ANK2: variants seen among roughly 807,000 people sequenced by gnomAD.
ANK2 encodes ankyrin 2, also known as ankyrin-2.
In ANK2, 83 loss-of-function variants were observed where a neutral mutation model predicts 360.5. That is an observed-to-expected ratio of 0.23 (90% CI 0.19 to 0.28). The LOEUF is 0.28. Ranked by LOEUF, ANK2 falls within the 10% of genes least tolerant of loss-of-function variation. The pLI, the probability that ANK2 is intolerant of heterozygous loss-of-function variation, is 1.00. For synonymous variants in ANK2, 1,740 were observed against 1,759.5 expected (o/e 0.99, Z 0.28); for missense variants, 4,201 against 4,795.7 (o/e 0.88, Z 3.66).
chr4:112,899,285 G>A (rs1373388325), intron 1 of ANK2, among the ~76,000 whole-genome samples: 1 of 152,100 alleles, frequency 6.6e-6, no homozygotes, highest in African/African-American at 2.4e-5. Context: ...AAGAAAAAAG[G>A]AGTTCCCTTT....
At chr4:113,323,799 A>T in intron 26 of ANK2, 1 of 1,610,998 alleles carries the variant, frequency 6.2e-7, no homozygotes, top group African/African-American at 1.3e-5. Flanking sequence ...CAGCAGGTGA[A>T]CTACTGCATA....
intron 2 of ANK2, among the ~76,000 whole-genome samples, chr4:112,981,481 G>A (rs1462906469): frequency 1.3e-5 from 2 of 152,210 alleles, no homozygotes; most frequent in Non-Finnish European, 2.9e-5. Context: ...GAATGAAAGC[G>A]ACCTTGCAGA....
At chr4:113,150,826 A>G (rs1051903654) in intron 1 of ANK2, among the ~76,000 whole-genome samples, 1 of 152,224 alleles carries the variant, frequency 6.6e-6, no homozygotes, top group African/African-American at 2.4e-5. Context: ...GATGAGGCAC[A>G]TAGGCTAAGA....
chr4:113,011,531 A>G (rs1002987675), intron 2 of ANK2, among the ~76,000 whole-genome samples: 1 of 152,142 alleles, frequency 6.6e-6, no homozygotes, highest in East Asian at 1.9e-4. Flanking sequence ...TGAAAATGTG[A>G]CAAGACAAAA....
In ANK2 at chr4:113,356,140, C is replaced by T. The variant is rs755275459; in HGVS notation, c.7522C>T (p.Arg2508Trp). The change falls in exon 38 of 46, where the codon CGG (arginine) becomes TGG (tryptophan). Residue 2508 changes from arginine to tryptophan, a missense_variant. Coordinates refer to ENST00000357077, the MANE Select transcript of ANK2 (RefSeq NM_001148.6). The part of the protein sequence containing the change: ...LLTEVASVRS[R>W]LLRDPDGSAE... The stretch of plus-strand genomic sequence containing the variant: ...GACGGAAGTGGCCTCTGTGCGGTCC[C>T]GGCTACTCCGAGACCCTGATGGCAG... 13 of 1,613,944 alleles carry T rather than the reference C, an allele frequency of 8.1e-6. No individual in the cohort carries two copies. Among genetic ancestry groups the T allele is most frequent in the African/African-American group, 5.3e-5 (4 of 74,894 alleles).
rs1478783943 is a variant in ANK2, at chr4:112,825,777, G to A, written c.-40+7513G>A. On this transcript the variant is annotated intron_variant, in intron 1 of 30. Coordinates refer to the ANK2 transcript ENST00000503271. ...TTTTTGTGCTTAGGTTTGATGAAGAGTAGACAGTTGTGGAAAAGTATGATT... is the reference window on the plus strand; with the variant it reads ...TTTTTGTGCTTAGGTTTGATGAAGAATAGACAGTTGTGGAAAAGTATGATT... Among the ~76,000 whole-genome samples, 3 of 152,198 alleles carry A rather than the reference G, an allele frequency of 2.0e-5. No homozygotes were observed. In the East Asian group the frequency reaches 5.8e-4, roughly 29 times the overall value.
chr4:112,755,412 C>T, the ANK2 span, among the ~76,000 whole-genome samples: 2 of 152,166 alleles, frequency 1.3e-5, no homozygotes, highest in African/African-American at 2.4e-5. Flanking sequence ...GTTTATTTCA[C>T]CTGGGTGCAG....
At chr4:112,733,813 C>T in the ANK2 span, among the ~76,000 whole-genome samples, 3 of 152,196 alleles carry the variant, frequency 2.0e-5, no homozygotes, top group African/African-American at 7.2e-5. Flanking sequence ...CTCACCTTGT[C>T]GCCCAGCCTG....
At chr4:112,833,148 T>C (rs1047360700) in intron 1 of ANK2, among the ~76,000 whole-genome samples, 3 of 152,230 alleles carry the variant, frequency 2.0e-5, no homozygotes, top group Admixed American at 2.0e-4. Context: ...GTGAAGGAAA[T>C]TCCTTAGAAG....
intron 2 of ANK2, among the ~76,000 whole-genome samples, chr4:112,971,247 GC>G (rs1337885785): frequency 1.3e-5 from 2 of 152,150 alleles, no homozygotes; most frequent in Non-Finnish European, 2.9e-5. Flanking sequence ...ATTGGTTAAT[GC>G]CCAACAGAGC....
the ANK2 span, among the ~76,000 whole-genome samples, chr4:112,769,345 ACAGAGT>A: frequency 3.9e-5 from 6 of 152,328 alleles, no homozygotes; most frequent in South Asian, 1.2e-3. Context: ...ATTGCCCAGC[ACAGAGT>A]CAGAGTCGGG....
At chr4:113,109,571 G>C (rs777211853) in intron 1 of ANK2, among the ~76,000 whole-genome samples, 1 of 152,112 alleles carries the variant, frequency 6.6e-6, no homozygotes, top group Non-Finnish European at 1.5e-5. Flanking sequence ...ATTGACCTTC[G>C]ATATCTGCCT....
At position 113,332,077 on chromosome 4, in the gene ANK2, G is replaced by A. The variant is rs376534098; in HGVS notation, c.3224+7G>A. On this transcript the variant is annotated splice_region_variant and intron_variant, in intron 28 of 45. Transcript: ENST00000357077. ...CTGGAACCAAATTCCTTGGGTAGGA[G>A]TGACTTAAAACAAATTGATGGCTGC... The A allele has an allele frequency of 1.9e-4, 302 of 1,610,728 alleles. No homozygotes were observed. The South Asian group carries it at 2.5e-3, about 14-fold the overall frequency.
intron 24 of ANK2, among the ~76,000 whole-genome samples, chr4:113,316,307 A>T (rs1441176807): frequency 2.0e-5 from 3 of 152,196 alleles, no homozygotes; most frequent in African/African-American, 7.2e-5. Flanking sequence ...TATTCATGTC[A>T]TTTACCCTTT....
chr4:113,021,541 C>CACACACACATATATATATATATATAT (rs1489947974), intron 2 of ANK2, among the ~76,000 whole-genome samples: 2 of 95,636 alleles, frequency 2.1e-5, no homozygotes, highest in African/African-American at 7.6e-5. Context: ...CACACACAAA[C>CACACACACATATATATATATATATAT]ATATATATAT....
At chr4:113,195,786 G>T (rs947934899) in intron 2 of ANK2, among the ~76,000 whole-genome samples, 36 of 152,020 alleles carry the variant, frequency 2.4e-4, no homozygotes, top group Non-Finnish European at 4.4e-5. Flanking sequence ...TTGAAAATTT[G>T]TTCTTGATTT....
chr4:112,729,464 A>G, the ANK2 span, among the ~76,000 whole-genome samples: 11 of 152,178 alleles, frequency 7.2e-5, no homozygotes, highest in African/African-American at 2.4e-4. Flanking sequence ...GATTAGATAC[A>G]GAAAATCTGG....
the ANK2 span, among the ~76,000 whole-genome samples, chr4:112,741,490 T>C: frequency 6.6e-6 from 1 of 152,164 alleles, no homozygotes; most frequent in Non-Finnish European, 1.5e-5. Flanking sequence ...GGGCCCTCTT[T>C]AGCGATAGGG....
At chr4:112,859,358 C>T (rs948063433) in intron 1 of ANK2, among the ~76,000 whole-genome samples, 1 of 152,134 alleles carries the variant, frequency 6.6e-6, no homozygotes, top group Non-Finnish European at 1.5e-5. Context: ...ATGATTGTTG[C>T]AATATTTACA....
Sources: gnomAD v4.1 joint callset for allele counts (sites outside exome capture counted in the v4.1 genomes callset) on GRCh38, gnomAD v4.1.1 for gene constraint, MANE v1.5 for transcripts, NCBI Gene and HGNC (gene_info 2026-07-23, HGNC 2026-07-21) for gene names.